Variants in RBFOX1 observed in about 807,000 individuals in gnomAD.
RBFOX1 encodes RNA binding protein fox-1 homolog 1.
In RBFOX1, 8 loss-of-function variants were observed where a neutral mutation model predicts 57.7. That is an observed-to-expected ratio of 0.14 (90% CI 0.08 to 0.25). The LOEUF (loss-of-function observed/expected upper bound fraction) is 0.25. Ranked by LOEUF, RBFOX1 falls within the 10% of genes least tolerant of loss-of-function variation. The pLI is 1.00. For synonymous variants in RBFOX1, 326 were observed against 222.4 expected (o/e 1.47, Z -4.15); for missense variants, 611 against 548.5 (o/e 1.11, Z -1.14).
intron 3 of RBFOX1, among the ~76,000 whole-genome samples, chr16:7,030,641 C>G (rs978379617): frequency 6.6e-6 from 1 of 152,274 alleles, no homozygotes; most frequent in Admixed American, 6.5e-5. Context: ...CTACTCTAAT[C>G]TACTATGATT....
intron 4 of RBFOX1, among the ~76,000 whole-genome samples, chr16:7,193,549 C>T (rs7200846): frequency 0.59 from 90,342 of 152,080 alleles, 26,984 homozygotes; most frequent in Middle Eastern, 0.64. Flanking sequence ...GGTCCTTACA[C>T]GTGCCAGATG....
chr16:5,277,457 A>AG (rs1491536869), intron 1 of RBFOX1, among the ~76,000 whole-genome samples: 2 of 100,914 alleles, frequency 2.0e-5, no homozygotes, highest in Non-Finnish European at 3.9e-5. Context: ...AATAAAAAAA[A>AG]GAAATATACA....
intron 1 of RBFOX1, among the ~76,000 whole-genome samples, chr16:6,031,587 G>A (rs2095290455): frequency 6.6e-6 from 1 of 152,206 alleles, no homozygotes; most frequent in Admixed American, 6.5e-5. Flanking sequence ...ACACATCTCT[G>A]TATGTGTGCA....
chr16:6,253,816 G>C (rs1185876891), intron 1 of RBFOX1, among the ~76,000 whole-genome samples: 2 of 151,978 alleles, frequency 1.3e-5, no homozygotes, highest in African/African-American at 2.4e-5. Context: ...CCAGCTTGCT[G>C]CATTTGCAGC....
At chr16:5,490,594 G>A (rs9928541) in intron 2 of RBFOX1, among the ~76,000 whole-genome samples, 2 of 152,120 alleles carry the variant, frequency 1.3e-5, no homozygotes, top group Admixed American at 1.3e-4. Flanking sequence ...GCGGGGTGAG[G>A]GGGTGATGAG....
At chr16:6,077,359 G>T (rs1251208417) in intron 1 of RBFOX1, among the ~76,000 whole-genome samples, 2 of 152,098 alleles carry the variant, frequency 1.3e-5, no homozygotes, top group Non-Finnish European at 2.9e-5. Flanking sequence ...ACCGTGGTTT[G>T]TACTAACTAT....
intron 3 of RBFOX1, among the ~76,000 whole-genome samples, chr16:6,718,201 T>C (rs1006623225): frequency 2.6e-5 from 4 of 152,190 alleles, no homozygotes; most frequent in Non-Finnish European, 5.9e-5. Flanking sequence ...ACTCACAACA[T>C]GAAATAATAA....
At chr16:7,596,069 A>G (rs1178697414) in intron 8 of RBFOX1, among the ~76,000 whole-genome samples, 1 of 148,006 alleles carries the variant, frequency 6.8e-6, no homozygotes, top group Admixed American at 6.8e-5. Flanking sequence ...AAATTGGGAA[A>G]GCAAAAAAGA....
rs185621693 is a variant in RBFOX1 at position 5,348,199 on chromosome 16, C to T, written c.219+108094C>T. ...CCACTCAATAATCTACTCTTCCACC[C>T]GCCCACTCACCCATGCATCCACTCA... On this transcript the variant is annotated intron_variant, in intron 1 of 2. Transcript: ENST00000585867. 2.3e-3 allele frequency among the ~76,000 whole-genome samples: 346 copies of T among 151,866 alleles called. 1 individual carries two copies. Among genetic ancestry groups the T allele is most frequent in the African/African-American group, 7.7e-3 (320 of 41,392 alleles).
chr16:6,365,277 T>C (rs1487668966), intron 2 of RBFOX1, among the ~76,000 whole-genome samples: 1 of 151,276 alleles, frequency 6.6e-6, no homozygotes, highest in Non-Finnish European at 1.5e-5. Context: ...GGTGGATGGA[T>C]GAGTAGGTGG....
chr16:5,700,534 A>G (rs1008824697), intron 3 of RBFOX1, among the ~76,000 whole-genome samples: 3 of 152,122 alleles, frequency 2.0e-5, no homozygotes, highest in Non-Finnish European at 4.4e-5. Flanking sequence ...GATCTTTACA[A>G]TTCTTTTGGT....
intron 1 of RBFOX1, among the ~76,000 whole-genome samples, chr16:6,307,905 T>C (rs1184143865): frequency 6.8e-6 from 1 of 147,644 alleles, no homozygotes; most frequent in East Asian, 2.1e-4. Flanking sequence ...ATTTGGATTA[T>C]TTACATATTT....
At chr16:6,757,697 G>T (rs1603586229) in intron 3 of RBFOX1, among the ~76,000 whole-genome samples, 1 of 152,068 alleles carries the variant, frequency 6.6e-6, no homozygotes, top group East Asian at 1.9e-4. Context: ...ACAAACATAT[G>T]GTTAGATAGG....
chr16:5,765,204 A>G (rs1185036802), intron 3 of RBFOX1, among the ~76,000 whole-genome samples: 1 of 152,232 alleles, frequency 6.6e-6, no homozygotes, highest in East Asian at 1.9e-4. Context: ...TATCCTCTCC[A>G]GAATGTGCTT....
chr16:7,363,061 C>T (rs568501715), intron 4 of RBFOX1, among the ~76,000 whole-genome samples: 2 of 152,264 alleles, frequency 1.3e-5, no homozygotes, highest in East Asian at 1.9e-4. Flanking sequence ...CAGTGTGGGG[C>T]CTGGATCATT....
intron 1 of RBFOX1, among the ~76,000 whole-genome samples, chr16:5,241,165 T>C (rs1027303024): frequency 3.9e-5 from 6 of 152,190 alleles, no homozygotes; most frequent in South Asian, 2.1e-4. Context: ...GAGCCCCCCC[T>C]GCCCAGTCTT....
At chr16:5,438,875 G>C (rs1002523286) in intron 1 of RBFOX1, among the ~76,000 whole-genome samples, 2 of 152,090 alleles carry the variant, frequency 1.3e-5, no homozygotes, top group Admixed American at 6.6e-5. Context: ...GAGGTGATCA[G>C]GATAATAAGG....
intron 1 of RBFOX1, among the ~76,000 whole-genome samples, chr16:5,352,275 C>G (rs1297098950): frequency 6.6e-6 from 1 of 152,166 alleles, no homozygotes; most frequent in Non-Finnish European, 1.5e-5. Flanking sequence ...CTCTTGTCCC[C>G]CAAGCTGAGC....
At chr16:7,366,764 A>G (rs1257926952) in intron 4 of RBFOX1, among the ~76,000 whole-genome samples, 1 of 152,128 alleles carries the variant, frequency 6.6e-6, no homozygotes, top group Non-Finnish European at 1.5e-5. Flanking sequence ...GTAAGCAGAG[A>G]AAAACACATA....
Sources: gnomAD v4.1 joint callset for allele counts (sites outside exome capture counted in the v4.1 genomes callset) on GRCh38, gnomAD v4.1.1 for gene constraint, MANE v1.5 for transcripts, NCBI Gene and HGNC (gene_info 2026-07-23, HGNC 2026-07-21) for gene names.